The following CCDC149 variants were observed in gnomAD, a reference collection of about 807,000 sequenced individuals.
The protein encoded by CCDC149 is coiled-coil domain-containing protein 149.
CCDC149 carries 45 observed loss-of-function variants against 59.9 expected under a neutral mutation model. The observed-to-expected ratio is 0.75, with a 90% CI of 0.59 to 0.96. The LOEUF (loss-of-function observed/expected upper bound fraction) is 0.96. Ranked by LOEUF, CCDC149 falls within the 40% of genes least tolerant of loss-of-function variation. The pLI is 0.00. For synonymous variants in CCDC149, 245 were observed against 260.6 expected (o/e 0.94, Z 0.58); for missense variants, 584 against 664.7 (o/e 0.88, Z 1.33).
At chr4:24,933,738 A>G (rs1487678039) in intron 1 of CCDC149, among the ~76,000 whole-genome samples, 1 of 152,224 alleles carries the variant, frequency 6.6e-6, no homozygotes, top group Non-Finnish European at 1.5e-5. Context: ...AAGAAAAATA[A>G]ACAGAATGAA....
chr4:24,828,785 A>G (rs1361471581), intron 9 of CCDC149: 1 of 152,282 alleles, frequency 6.6e-6, no homozygotes, highest in Non-Finnish European at 1.5e-5. Flanking sequence ...CGTCAAAACA[A>G]ACAAACAAAC....
At chr4:24,938,495 C>A in intron 1 of CCDC149, among the ~76,000 whole-genome samples, 1 of 152,236 alleles carries the variant, frequency 6.6e-6, no homozygotes, top group East Asian at 1.9e-4. Context: ...CAGGTGATTT[C>A]TGCATTTCCA....
intron 3 of CCDC149, among the ~76,000 whole-genome samples, chr4:24,854,946 G>A (rs184058848): frequency 4.5e-4 from 68 of 152,266 alleles, no homozygotes; most frequent in African/African-American, 1.4e-3. Context: ...TTAACCGATC[G>A]ATTTAATACT....
At chr4:24,898,631 C>T (rs1720982277) in intron 1 of CCDC149, among the ~76,000 whole-genome samples, 1 of 152,128 alleles carries the variant, frequency 6.6e-6, no homozygotes, top group East Asian at 1.9e-4. Flanking sequence ...CTATCCTGTG[C>T]CTAGCATTGT....
At chr4:24,867,924 G>A (rs1297707873) in intron 3 of CCDC149, among the ~76,000 whole-genome samples, 1 of 152,158 alleles carries the variant, frequency 6.6e-6, no homozygotes, top group Admixed American at 6.5e-5. Flanking sequence ...CGCACATTGT[G>A]GTGTCTTCTC....
chr4:24,976,329 C>T (rs1724194735), intron 1 of CCDC149, among the ~76,000 whole-genome samples: 1 of 152,110 alleles, frequency 6.6e-6, no homozygotes, highest in South Asian at 2.1e-4. Flanking sequence ...TGCTTGGGCA[C>T]TGTGTGGCCC....
At chr4:24,847,647 T>G (rs567000599) in intron 4 of CCDC149, among the ~76,000 whole-genome samples, 1 of 152,318 alleles carries the variant, frequency 6.6e-6, no homozygotes, top group East Asian at 1.9e-4. Context: ...GAGGCATTAT[T>G]ATTGCCACTT....
intron 4 of CCDC149, among the ~76,000 whole-genome samples, chr4:24,842,263 G>A (rs1716984364): frequency 6.6e-6 from 1 of 152,168 alleles, no homozygotes. Flanking sequence ...GGACTCTTGT[G>A]ATTATTGTAA....
At chr4:24,945,672 A>G (rs1411462184) in intron 1 of CCDC149, among the ~76,000 whole-genome samples, 2 of 145,602 alleles carry the variant, frequency 1.4e-5, no homozygotes, top group Admixed American at 7.0e-5. Flanking sequence ...GCCAGGCTGG[A>G]GTTCAGTGGT....
chr4:24,944,237 A>T (rs1207925163), intron 1 of CCDC149, among the ~76,000 whole-genome samples: 1 of 152,244 alleles, frequency 6.6e-6, no homozygotes, highest in Non-Finnish European at 1.5e-5. Context: ...TGATGAGTTC[A>T]TGTCCTTTGT....
chr4:24,916,128 T>C (rs559434591), upstream of CCDC149, among the ~76,000 whole-genome samples: 25 of 152,322 alleles, frequency 1.6e-4, no homozygotes, highest in African/African-American at 6.0e-4. Flanking sequence ...TATTGAGACG[T>C]TTGCTTTAGC....
chr4:24,946,321 C>T (rs1165786648), intron 1 of CCDC149, among the ~76,000 whole-genome samples: 1 of 152,144 alleles, frequency 6.6e-6, no homozygotes, highest in East Asian at 1.9e-4. Flanking sequence ...CCAATAAATC[C>T]CTTTTTGTAA....
At chr4:24,838,786 A>G (rs1382987812) in intron 4 of CCDC149, among the ~76,000 whole-genome samples, 1 of 152,038 alleles carries the variant, frequency 6.6e-6, no homozygotes, top group East Asian at 1.9e-4. Flanking sequence ...TTTAAAAAAA[A>G]AAAACAAAAA....
intron 1 of CCDC149, among the ~76,000 whole-genome samples, chr4:24,965,406 C>T (rs1302863398): frequency 1.4e-5 from 2 of 145,908 alleles, no homozygotes; most frequent in Non-Finnish European, 2.9e-5. Flanking sequence ...AGAACAACTA[C>T]TAAAAATCTA....
At chr4:24,840,011 T>G (rs537431328) in intron 4 of CCDC149, among the ~76,000 whole-genome samples, 38 of 152,304 alleles carry the variant, frequency 2.5e-4, no homozygotes, top group African/African-American at 8.9e-4. Flanking sequence ...GGCTTAATTT[T>G]CAGAGTCTCT....
At chr4:24,859,476 C>T (rs1204877358) in intron 3 of CCDC149, among the ~76,000 whole-genome samples, 3 of 152,078 alleles carry the variant, frequency 2.0e-5, no homozygotes, top group Admixed American at 1.3e-4. Context: ...TATAACAAAC[C>T]CACAGCCAAC....
chr4:24,907,874 T>A (rs1312780382), intron 1 of CCDC149, among the ~76,000 whole-genome samples: 2 of 152,180 alleles, frequency 1.3e-5, no homozygotes, highest in Non-Finnish European at 2.9e-5. Flanking sequence ...TCGTCCTAGT[T>A]TCCGGTGGTC....
In CCDC149 at chr4:24,819,829, G is replaced by A. The variant is rs1311802093; in HGVS notation, c.1192+30C>T. ...CTCCTCTGTGGCAGGCACAGTCCAG[G>A]TAAAGATGGAGAAATCGAGGCGTGC... On this transcript the variant is annotated intron_variant, in intron 12 of 12. Transcript: ENST00000635206. 7 of 1,479,780 alleles carry A rather than the reference G, an allele frequency of 4.7e-6. No homozygotes were observed. In the East Asian group the frequency reaches 1.7e-4, roughly 36 times the overall value. 91.7% of individuals were successfully genotyped at this position (1,479,780 alleles called of 1,614,324 possible).
At chr4:24,911,829 C>T (rs532454182) in intron 1 of CCDC149, among the ~76,000 whole-genome samples, 1 of 152,328 alleles carries the variant, frequency 6.6e-6, no homozygotes, top group South Asian at 2.1e-4. Context: ...GAGGGTTTCC[C>T]TTCCCATAAC....
Sources: allele counts gnomAD v4.1 joint callset (sites outside exome capture counted in the v4.1 genomes callset), GRCh38; gene constraint gnomAD v4.1.1; transcripts MANE v1.5; gene names NCBI Gene and HGNC (gene_info 2026-07-23, HGNC 2026-07-21).